ABCC1: variants seen among roughly 807,000 people sequenced by gnomAD.
The protein encoded by ABCC1 is ATP binding cassette subfamily C member 1 (ABCC1 blood group).
ABCC1 carries 83 observed loss-of-function variants against 172.9 expected under a neutral mutation model. That is an observed-to-expected ratio of 0.48 (90% CI 0.40 to 0.58). The LOEUF is 0.58. ABCC1 is among the 20% of genes least tolerant of loss of function. The probability of loss-of-function intolerance (pLI) is 0.00; values close to 1 mark genes in which losing one functional copy is unlikely to be tolerated. For synonymous variants in ABCC1, 937 were observed against 825.2 expected (o/e 1.14, Z -2.32); for missense variants, 1,817 against 2,002.7 (o/e 0.91, Z 1.77).
intron 23 of ABCC1, among the ~76,000 whole-genome samples, chr16:16,121,005 T>C (rs1342251542): frequency 1.3e-5 from 2 of 152,190 alleles, no homozygotes; most frequent in Non-Finnish European, 2.9e-5. Context: ...CTAATACTTA[T>C]TTCTTATCTA....
rs369682584 is a variant in ABCC1 at position 16,086,982 on chromosome 16, G to A, written c.2451G>A (p.Leu817=). Residue 817 remains leucine, a synonymous_variant, in exon 18 of 31, where the codon CTG becomes CTA. Transcript: ENST00000399410. The stretch of plus-strand genomic sequence containing the variant: ...ATGTGATTGGCCCCAAGGGGATGCT[G>A]AAGAACAAGGTGCCTGCTGGCGGGG... ...FENVIGPKGM[L]KNKTRILVTH... 1 of 1,614,174 alleles carries A rather than the reference G, an allele frequency of 6.2e-7. No homozygotes were observed. The highest frequency in any genetic ancestry group is 8.5e-7 in the Non-Finnish European group (1 of 1,180,036).
chr16:16,131,311 C>T (rs767556212), intron 26 of ABCC1, among the ~76,000 whole-genome samples: 1 of 152,186 alleles, frequency 6.6e-6, no homozygotes, highest in Non-Finnish European at 1.5e-5. Flanking sequence ...CATGTCCTCT[C>T]AGTTTCTGTG....
At position 15,949,658 on chromosome 16, in the gene ABCC1, C is replaced by G. The variant is rs1344307838; in HGVS notation, c.-94C>G. ...CAGCGCTAGCGCCAGCAGCCGGGCC[C>G]GATCACCCGCCGCCCGGTGCCCGCC... On this transcript the variant is annotated 5_prime_UTR_variant, in exon 1 of 31. Transcript: ENST00000399410. 8.7e-6 allele frequency: 6 copies of G among 686,648 alleles called. No individual in the cohort carries two copies. Among genetic ancestry groups the G allele is most frequent in the East Asian group, 1.7e-4 (1 of 5,930 alleles). The allele number at this position is 686,648 out of a possible 1,614,324, so 42.5% of individuals were successfully genotyped here.
At chr16:16,020,165 G>C (rs139349102) in intron 5 of ABCC1, among the ~76,000 whole-genome samples, 1 of 152,086 alleles carries the variant, frequency 6.6e-6, no homozygotes, top group Non-Finnish European at 1.5e-5. Context: ...CAAGTGATCC[G>C]CCCACTTTGG....
chr16:16,103,978 CGCTG>C (rs2051919842), intron 20 of ABCC1, among the ~76,000 whole-genome samples: 2 of 152,068 alleles, frequency 1.3e-5, no homozygotes, highest in South Asian at 4.1e-4. Context: ...TTCGTGGTCT[CGCTG>C]GCCTCAGGAG....
chr16:16,082,322 C>T (rs1347560965), intron 16 of ABCC1, among the ~76,000 whole-genome samples: 1 of 151,962 alleles, frequency 6.6e-6, no homozygotes, highest in Non-Finnish European at 1.5e-5. Context: ...ATGGCTCATG[C>T]CTATAATCCC....
intron 1 of ABCC1, among the ~76,000 whole-genome samples, chr16:15,951,369 C>T (rs1465355913): frequency 6.6e-6 from 1 of 152,036 alleles, no homozygotes; most frequent in African/African-American, 2.4e-5. Flanking sequence ...AACTCATTCA[C>T]GAAGTCCAGT....
chr16:15,950,769 T>C (rs2045853050), intron 1 of ABCC1, among the ~76,000 whole-genome samples: 4 of 152,110 alleles, frequency 2.6e-5, no homozygotes, highest in Admixed American at 2.6e-4. Context: ...CTCTCCTCTT[T>C]TGTTTAGGAA....
At chr16:16,064,516 A>G (rs45494292) in intron 12 of ABCC1, among the ~76,000 whole-genome samples, 1 of 151,206 alleles carries the variant, frequency 6.6e-6, no homozygotes, top group Non-Finnish European at 1.5e-5. Flanking sequence ...GGGCCGCATG[A>G]TGTTGTCCTG....
At chr16:16,124,755 A>T (rs767395058) in intron 24 of ABCC1, 34 bp from the exon 25 acceptor site, 1 of 1,613,582 alleles carries the variant, frequency 6.2e-7, no homozygotes, top group Non-Finnish European at 8.5e-7. Context: ...AGCTGACTCC[A>T]TGCCTGTTTG....
At chr16:16,083,240 G>C (rs1009774317) in intron 16 of ABCC1, 126 bp from the exon 17 acceptor site, 28 of 960,852 alleles carry the variant, frequency 2.9e-5, no homozygotes, top group Non-Finnish European at 4.3e-5. Context: ...TCTTGCCAAA[G>C]CAATAGTTGT....
intron 16 of ABCC1, among the ~76,000 whole-genome samples, chr16:16,080,554 G>C (rs1028560506): frequency 2.6e-5 from 4 of 152,100 alleles, no homozygotes; most frequent in Admixed American, 6.6e-5. Context: ...ACACGTCCCT[G>C]GAAGTTTTGC....
rs2047607508 is a variant in ABCC1, at chr16:16,007,878, C to T, written c.111C>T (p.Val37=). 1 of 1,613,644 alleles carries T rather than the reference C, an allele frequency of 6.2e-7. No homozygotes were observed. The highest frequency in any genetic ancestry group is 1.3e-5 in the African/African-American group (1 of 74,890). Residue 37 remains valine (V), a synonymous_variant, in exon 2 of 31, where the codon GTC becomes GTT. Coordinates refer to ENST00000399410, the MANE Select transcript of ABCC1 (RefSeq NM_004996.4). ...PDFTKCFQNT[V]LVWVPCFYLW... ...TCACCAAGTGCTTTCAGAACACGGT[C>T]CTCGTGTGGGTGCCTTGTTTTTACC...
intron 12 of ABCC1, among the ~76,000 whole-genome samples, chr16:16,064,362 C>T (rs1427829373): frequency 6.6e-6 from 1 of 152,202 alleles, no homozygotes; most frequent in East Asian, 1.9e-4. Flanking sequence ...CTGTTAAAGC[C>T]TGTGCTTCCA....
At chr16:15,952,251 G>A (rs1008676135) in intron 1 of ABCC1, among the ~76,000 whole-genome samples, 2 of 152,214 alleles carry the variant, frequency 1.3e-5, no homozygotes, top group Non-Finnish European at 2.9e-5. Flanking sequence ...TTTTTCCAAA[G>A]ATGAAGTTGT....
chr16:16,044,325 T>C (rs2049109547), intron 7 of ABCC1, 125 bp from the exon 8 acceptor site: 1 of 847,582 alleles, frequency 1.2e-6, no homozygotes, highest in East Asian at 2.7e-5. Context: ...GAGCTGCCTC[T>C]TTCCCTGGGC....
At chr16:16,138,947 C>T (rs190624562) in intron 30 of ABCC1, among the ~76,000 whole-genome samples, 30 of 152,268 alleles carry the variant, frequency 2.0e-4, no homozygotes, top group African/African-American at 7.0e-4. Flanking sequence ...TGACCTCAGG[C>T]GATCTGCCCG....
rs150214567 is a variant in ABCC1 at position 16,114,685 on chromosome 16, C to T, written c.3080-81C>T. ...AGAAGTTGGGAGTCCAGGCCTGCCTCGTCCACATGGCCACTCCTCCCTGCA... is the reference window on the plus strand; with the variant it reads ...AGAAGTTGGGAGTCCAGGCCTGCCTTGTCCACATGGCCACTCCTCCCTGCA... On this transcript the variant is annotated intron_variant, in intron 22 of 30. Transcript: ENST00000399410. The T allele has an allele frequency of 5.5e-5, 75 of 1,374,862 alleles. No individual in the cohort carries two copies. The African/African-American group carries it at 7.8e-4, about 14-fold the overall frequency. 85.2% of individuals were successfully genotyped at this position (1,374,862 alleles called of 1,614,324 possible). A position where few individuals can be genotyped will look rare whatever the true frequency, so the allele number is the denominator to read the frequency against.
intron 8 of ABCC1, 54 bp from the exon 9 acceptor site, chr16:16,045,782 C>A (rs1031544136): frequency 1.3e-6 from 2 of 1,572,150 alleles, no homozygotes; most frequent in Non-Finnish European, 1.7e-6. Flanking sequence ...AAGCTCTCTT[C>A]CCTGCCCCCA....
Sources: gnomAD v4.1 joint callset for allele counts (sites outside exome capture counted in the v4.1 genomes callset) on GRCh38, gnomAD v4.1.1 for gene constraint, MANE v1.5 for transcripts, NCBI Gene and HGNC (gene_info 2026-07-23, HGNC 2026-07-21) for gene names.